Variants in UBE3D observed in about 807,000 individuals in gnomAD.
UBE3D encodes the protein E3 ubiquitin-protein ligase E3D.
UBE3D carries 48 observed loss-of-function variants against 49.6 expected under a neutral mutation model. The observed-to-expected ratio is 0.97, with a 90% CI of 0.77 to 1.23. The LOEUF is 1.23. UBE3D is among the 50% of genes most tolerant of loss of function. The probability of loss-of-function intolerance (pLI) is 0.00; values close to 1 mark genes in which losing one functional copy is unlikely to be tolerated. For missense variants in UBE3D, 452 were observed against 468.4 expected (o/e 0.96, Z 0.32); for synonymous variants, 189 against 174.2 (o/e 1.08, Z -0.67).
Position 83,044,559 on chromosome 6 carries a change from G to C in UBE3D, c.466C>G (p.Pro156Ala). ...CCAATAAAACAGTCATTCTCTTGCG[G>C]ATGAAGTGATTTATTAGCAAAGGGG... ...PDPFANKSLH[P>A]QENDCFIGDS... The change falls in exon 4 of 10, where the codon CCG (proline) becomes GCG (alanine). Residue 156 changes from proline (P) to alanine (A), a missense_variant. Coordinates refer to ENST00000369747, the MANE Select transcript of UBE3D (RefSeq NM_198920.3). 2 of 1,614,102 alleles carry C rather than the reference G, an allele frequency of 1.2e-6. No individual in the cohort carries two copies. Among genetic ancestry groups the C allele is most frequent in the Non-Finnish European group, 1.7e-6 (2 of 1,179,986 alleles).
At chr6:83,011,155 T>C (rs892214168) in intron 8 of UBE3D, among the ~76,000 whole-genome samples, 4 of 152,104 alleles carry the variant, frequency 2.6e-5, no homozygotes, top group African/African-American at 9.7e-5. Flanking sequence ...AAAGCTGATA[T>C]GAAGTCAATA....
In UBE3D at chr6:83,065,775, A is replaced by T; in HGVS notation, c.-57T>A. 1 of 1,536,294 alleles carries T rather than the reference A, an allele frequency of 6.5e-7. No homozygotes were observed. The stretch of plus-strand genomic sequence containing the variant: ...TGGAGGTTCCGAGGGGCCCGGGTCA[A>T]CAGGACCAGGAGAGGTTCCACGTGC... On this transcript the variant is annotated 5_prime_UTR_variant, in exon 1 of 10. It adds an upstream start codon to the 5' untranslated region. Transcript: ENST00000369747.
chr6:82,898,881 T>C (rs949827003), intron 9 of UBE3D, among the ~76,000 whole-genome samples: 4 of 152,114 alleles, frequency 2.6e-5, no homozygotes, highest in African/African-American at 7.2e-5. Context: ...GCTAGCTTCA[T>C]TCATTCAATC....
rs1300059525 is a variant in UBE3D, at chr6:83,022,473, C to G, written c.826G>C (p.Asp276His). ...STFRFTIQGQDDKVYILLWLL... is the reference protein window; with the variant it reads ...STFRFTIQGQHDKVYILLWLL... The stretch of plus-strand genomic sequence containing the variant: ...CTTACCAAGATATACACTTTGTCAT[C>G]CTGACCTTGAATCGTGAATCTAAAA... Residue 276 changes from aspartate (D) to histidine (H), a missense_variant, in exon 7 of 10, where the codon GAT becomes CAT. Transcript: ENST00000369747. 5.6e-6 allele frequency: 9 copies of G among 1,601,866 alleles called. No homozygotes were observed. In the African/African-American group the frequency reaches 9.5e-5, roughly 17 times the overall value.
intron 5 of UBE3D, among the ~76,000 whole-genome samples, chr6:83,026,391 C>T (rs1244056871): frequency 2.6e-5 from 4 of 152,054 alleles, no homozygotes; most frequent in Non-Finnish European, 5.9e-5. Context: ...TCTGAGGCTT[C>T]AATGAACTAC....
intron 8 of UBE3D, among the ~76,000 whole-genome samples, chr6:82,966,171 T>C (rs892626120): frequency 2.0e-5 from 3 of 152,134 alleles, no homozygotes; most frequent in African/African-American, 7.2e-5. Flanking sequence ...CCACATATTG[T>C]TTGATTCCAT....
At chr6:82,887,159 T>A in the UBE3D span, among the ~76,000 whole-genome samples, 6 of 125,034 alleles carry the variant, frequency 4.8e-5, no homozygotes, top group African/African-American at 1.1e-4. Flanking sequence ...CCAAAAAAAA[T>A]AAAAAATAAA....
chr6:82,993,201 T>C (rs192269078), intron 8 of UBE3D, among the ~76,000 whole-genome samples: 1 of 152,194 alleles, frequency 6.6e-6, no homozygotes, highest in East Asian at 1.9e-4. Flanking sequence ...TTAAAGTATA[T>C]TAATTTTAAA....
chr6:83,017,781 A>C (rs1037837085), intron 8 of UBE3D: 1 of 152,152 alleles, frequency 6.6e-6, no homozygotes, highest in Non-Finnish European at 1.5e-5. Context: ...TAATATAAAA[A>C]ACTTATAATC....
At chr6:82,893,829 A>C (rs1267115776) in intron 9 of UBE3D, 3 of 152,162 alleles carry the variant, frequency 2.0e-5, no homozygotes, top group Non-Finnish European at 4.4e-5. Context: ...TGCATCAGGA[A>C]ATTTTGTCCT....
chr6:83,023,977 GA>G lies in UBE3D; in HGVS notation c.728del (p.Ile243ThrfsTer11), dbSNP rs1781279031. 4.6e-6 allele frequency: 7 copies of G among 1,530,094 alleles called. No homozygotes were observed. Among genetic ancestry groups the G allele is most frequent in the Non-Finnish European group, 6.1e-6 (7 of 1,143,318 alleles). 94.8% of individuals were successfully genotyped at this position (1,530,094 alleles called of 1,614,324 possible). ...TAATTTGCTATTTGTACCTTGGTAT[GA>G]TAGGAAAACTCCTCTCAGATGACTG... The part of the protein sequence containing the change: ...IIQSSERSFP[I>X]IPRSWFVQSV... On this transcript the variant is annotated frameshift_variant, in exon 6 of 10. Transcript: ENST00000369747. LOFTEE classifies it high-confidence loss of function.
intron 8 of UBE3D, among the ~76,000 whole-genome samples, chr6:82,966,244 G>A (rs988523425): frequency 1.3e-5 from 2 of 152,128 alleles, no homozygotes; most frequent in Non-Finnish European, 2.9e-5. Flanking sequence ...GGGTTGTCAG[G>A]GGCTGGAAGG....
chr6:82,932,807 C>T (rs958768920), intron 9 of UBE3D, among the ~76,000 whole-genome samples: 4 of 152,104 alleles, frequency 2.6e-5, no homozygotes, highest in African/African-American at 9.7e-5. Context: ...CTGATTACTA[C>T]CCAATTGCCA....
rs1776930380 is a variant in UBE3D at position 82,966,452 on chromosome 6, C to A, written c.1011-9002G>T. 1.5e-5 allele frequency among the ~76,000 whole-genome samples: 2 copies of A among 129,158 alleles called. 1 individual carries two copies. The highest frequency in any genetic ancestry group is 3.3e-5 in the Non-Finnish European group (2 of 60,846). 84.7% of individuals were successfully genotyped at this position (129,158 alleles called of 152,430 possible). On this transcript the variant is annotated intron_variant, in intron 8 of 9. Transcript: ENST00000369747. Reference sequence around the variant, plus strand: ...GATCACGAGGTCAGGAGATCGAGACCATCCCGGCTAAAACGGTGAAACCCC... The same window carrying A: ...GATCACGAGGTCAGGAGATCGAGACAATCCCGGCTAAAACGGTGAAACCCC...
At chr6:83,009,220 AT>A (rs1582626388) in intron 8 of UBE3D, among the ~76,000 whole-genome samples, 1 of 152,206 alleles carries the variant, frequency 6.6e-6, no homozygotes. Context: ...TGGTACATCC[AT>A]GCTAGTATAC....
chr6:83,021,886 C>CA (rs1161811402), intron 7 of UBE3D, among the ~76,000 whole-genome samples: 8 of 151,452 alleles, frequency 5.3e-5, no homozygotes, highest in South Asian at 4.2e-4. Context: ...AAACAAAAAA[C>CA]AAAAAAACCC....
chr6:83,005,279 T>G (rs1474281945), intron 8 of UBE3D, among the ~76,000 whole-genome samples: 2 of 151,448 alleles, frequency 1.3e-5, no homozygotes, highest in Admixed American at 1.3e-4. Context: ...ACCACAATGA[T>G]ATCACCTCAC....
At chr6:83,026,637 C>T (rs1415905489) in intron 5 of UBE3D, among the ~76,000 whole-genome samples, 1 of 152,028 alleles carries the variant, frequency 6.6e-6, no homozygotes, top group Admixed American at 6.6e-5. Context: ...ATTTTGAAAT[C>T]GTTATTACAC....
At chr6:83,049,737 C>T (rs774704342) in intron 3 of UBE3D, 30 of 470,976 alleles carry the variant, frequency 6.4e-5, no homozygotes, top group South Asian at 4.5e-4. Flanking sequence ...GCGAACCATC[C>T]AGAGACCTCC....
Sources: gnomAD v4.1 joint callset for allele counts (sites outside exome capture counted in the v4.1 genomes callset) on GRCh38, gnomAD v4.1.1 for gene constraint, MANE v1.5 for transcripts, NCBI Gene and HGNC (gene_info 2026-07-23, HGNC 2026-07-21) for gene names.